Variants in NR3C2 observed in about 807,000 individuals in gnomAD.
NR3C2 encodes nuclear receptor subfamily 3 group C member 2.
A neutral mutation model predicts 86.4 loss-of-function variants in NR3C2; 15 were observed. The observed-to-expected ratio is 0.17, with a 90% CI of 0.12 to 0.27. The LOEUF (loss-of-function observed/expected upper bound fraction) is 0.27, where lower values mean the gene tolerates loss of function less well. NR3C2 is among the 10% of genes least tolerant of loss of function. The pLI is 1.00. For missense variants in NR3C2, 960 were observed against 1,195.6 expected (o/e 0.80, Z 2.91); for synonymous variants, 458 against 450.5 (o/e 1.02, Z -0.21).
At chr4:148,417,650 T>A (rs1164609978) in intron 2 of NR3C2, among the ~76,000 whole-genome samples, 1 of 152,214 alleles carries the variant, frequency 6.6e-6, no homozygotes, top group Non-Finnish European at 1.5e-5. Flanking sequence ...CAAAAACATC[T>A]CAAACACGAA....
chr4:148,185,096 C>T (rs886716426), intron 4 of NR3C2, among the ~76,000 whole-genome samples: 1 of 152,246 alleles, frequency 6.6e-6, no homozygotes, highest in African/African-American at 2.4e-5. Flanking sequence ...CCAACTAACA[C>T]ACACTCAGTA....
intron 2 of NR3C2, among the ~76,000 whole-genome samples, chr4:148,433,350 T>C (rs1749886003): frequency 6.6e-6 from 1 of 152,190 alleles, no homozygotes. Flanking sequence ...TAGTGCATAA[T>C]CATTTTTAAA....
Position 148,093,211 on chromosome 4 carries a change from T to C in NR3C2, c.2800-11712A>G, listed in dbSNP as rs191768960. On this transcript the variant is annotated intron_variant, in intron 8 of 8. Coordinates refer to ENST00000358102, the MANE Select transcript of NR3C2 (RefSeq NM_000901.5). ...GCAACTGATGGCACTTGGCTCGCTC[T>C]GACAATGAGGCCGTGGGGCTCAATC... 1.7e-4 allele frequency among the ~76,000 whole-genome samples: 26 copies of C among 152,352 alleles called. No homozygotes were observed. The East Asian group carries it at 5.0e-3, about 29-fold the overall frequency.
chr4:148,211,548 T>A (rs1025324149), intron 3 of NR3C2, among the ~76,000 whole-genome samples: 1 of 152,218 alleles, frequency 6.6e-6, no homozygotes, highest in Non-Finnish European at 1.5e-5. Context: ...AGCCTACAAG[T>A]AATATTTTAA....
Position 148,120,113 on chromosome 4 carries a change from T to C in NR3C2, c.2641+45A>G, listed in dbSNP as rs554031843. 4.3e-6 allele frequency: 7 copies of C among 1,612,698 alleles called. No homozygotes were observed. The African/African-American group carries it at 6.7e-5, about 15-fold the overall frequency. The stretch of plus-strand genomic sequence containing the variant: ...ATAGCCTACTGCCCTATGGGGAAGA[T>C]GATCTGGTAATATAGAAACAGTGCC... On this transcript the variant is annotated intron_variant, in intron 7 of 8. Transcript: ENST00000358102.
intron 3 of NR3C2, among the ~76,000 whole-genome samples, chr4:148,227,958 A>G (rs1036671301): frequency 6.6e-6 from 1 of 152,114 alleles, no homozygotes; most frequent in Non-Finnish European, 1.5e-5. Flanking sequence ...TTGGTGGTGA[A>G]TGGTATTAAG....
chr4:148,253,159 A>G (rs577013453), intron 3 of NR3C2, among the ~76,000 whole-genome samples: 1 of 152,352 alleles, frequency 6.6e-6, no homozygotes, highest in South Asian at 2.1e-4. Flanking sequence ...CCCCATTCAC[A>G]TAAGTAGTTA....
At chr4:148,366,667 A>T (rs1400216131) in intron 2 of NR3C2, among the ~76,000 whole-genome samples, 2 of 152,018 alleles carry the variant, frequency 1.3e-5, no homozygotes, top group African/African-American at 4.8e-5. Context: ...AAGCAAAAAT[A>T]AGACCTGTCA....
intron 2 of NR3C2, among the ~76,000 whole-genome samples, chr4:148,415,970 C>T (rs1269047045): frequency 6.6e-6 from 1 of 152,058 alleles, no homozygotes; most frequent in Non-Finnish European, 1.5e-5. Flanking sequence ...TGCATTTCTT[C>T]CCACTGAGAA....
chr4:148,335,788 C>T (rs556712440), intron 2 of NR3C2, among the ~76,000 whole-genome samples: 12 of 151,422 alleles, frequency 7.9e-5, no homozygotes, highest in East Asian at 3.9e-4. Flanking sequence ...TAACCTATAA[C>T]GCTACTTCTG....
intron 4 of NR3C2, 62 bp from the exon 5 acceptor site, chr4:148,154,963 AC>A: frequency 1.5e-6 from 2 of 1,345,942 alleles, no homozygotes; most frequent in Non-Finnish European, 2.1e-6. Context: ...GCTGACTCAC[AC>A]TGGTTAAAGT....
chr4:148,174,927 G>T lies in NR3C2; in HGVS notation c.2014+19819C>A, dbSNP rs573543889. On this transcript the variant is annotated intron_variant, in intron 4 of 8. Transcript: ENST00000358102. The stretch of plus-strand genomic sequence containing the variant: ...CTCCAAATGTCTGTAGCATTTAAAT[G>T]TACAGCTTATCAAATATATTTAAAA... Among the ~76,000 whole-genome samples the T allele has an allele frequency of 4.6e-5, 7 of 152,264 alleles. 1 individual carries two copies.
At chr4:148,290,993 G>A (rs1741771273) in intron 2 of NR3C2, among the ~76,000 whole-genome samples, 1 of 152,050 alleles carries the variant, frequency 6.6e-6, no homozygotes, top group Admixed American at 6.6e-5. Context: ...ATTCACCTTT[G>A]TATACAAATT....
In NR3C2 at chr4:148,324,367, TTGTG is replaced by T. The variant is rs1170450951; in HGVS notation, c.1758-64254_1758-64251del. Among the ~76,000 whole-genome samples, 24 of 70,574 alleles carry T rather than the reference TTGTG, an allele frequency of 3.4e-4. No homozygotes were observed. In the South Asian group the frequency reaches 0.011, roughly 32 times the overall value. 46.3% of individuals were successfully genotyped at this position (70,574 alleles called of 152,430 possible). ...TGTGTGTGTGTGTGTGTGTGTGTGTTTGTGTGTGTGTTCCTGTGTGTATGTGTCT... is the reference window on the plus strand; with the variant it reads ...TGTGTGTGTGTGTGTGTGTGTGTGTTTGTGTGTTCCTGTGTGTATGTGTCT... On this transcript the variant is annotated intron_variant, in intron 2 of 8. Coordinates refer to ENST00000358102, the MANE Select transcript of NR3C2 (RefSeq NM_000901.5).
chr4:148,362,025 A>C (rs1379348609), intron 2 of NR3C2, among the ~76,000 whole-genome samples: 1 of 151,576 alleles, frequency 6.6e-6, no homozygotes, highest in Non-Finnish European at 1.5e-5. Context: ...TTTAGTAGAC[A>C]TGGGGGTTCA....
chr4:148,387,236 G>A (rs1326556442), intron 2 of NR3C2, among the ~76,000 whole-genome samples: 2 of 152,150 alleles, frequency 1.3e-5, no homozygotes, highest in Admixed American at 6.5e-5. Flanking sequence ...TCCTGGAGGT[G>A]CAGCAGCCAG....
chr4:148,311,774 T>G (rs1487474753), intron 2 of NR3C2, among the ~76,000 whole-genome samples: 1 of 152,218 alleles, frequency 6.6e-6, no homozygotes, highest in Non-Finnish European at 1.5e-5. Flanking sequence ...TACACTGCAC[T>G]CTTGTTTAGT....
intron 3 of NR3C2, among the ~76,000 whole-genome samples, chr4:148,232,372 T>G (rs552034228): frequency 3.9e-5 from 6 of 152,310 alleles, no homozygotes; most frequent in African/African-American, 1.4e-4. Flanking sequence ...ACATCTGCAT[T>G]AGAGTTCTTT....
At chr4:148,315,621 C>T (rs1469725623) in intron 2 of NR3C2, among the ~76,000 whole-genome samples, 1 of 152,114 alleles carries the variant, frequency 6.6e-6, no homozygotes, top group Non-Finnish European at 1.5e-5. Flanking sequence ...TCTAAAGAAA[C>T]AGAAGTATTT....
Sources: allele counts gnomAD v4.1 joint callset (sites outside exome capture counted in the v4.1 genomes callset), GRCh38; gene constraint gnomAD v4.1.1; transcripts MANE v1.5; gene names NCBI Gene and HGNC (gene_info 2026-07-23, HGNC 2026-07-21).